PRKN: variants seen among roughly 807,000 people sequenced by gnomAD.
PRKN encodes the protein parkin RBR E3 ubiquitin protein ligase, also known as E3 ubiquitin-protein ligase parkin.
A neutral mutation model predicts 59.5 loss-of-function variants in PRKN; 56 were observed. The observed-to-expected ratio is 0.94, with a 90% CI of 0.76 to 1.18. PRKN has a LOEUF of 1.18. Among genes scored for constraint, PRKN ranks in the 50% most tolerant of loss-of-function variants. PRKN has a pLI of 0.00. For synonymous variants in PRKN, 250 were observed against 222.1 expected (o/e 1.13, Z -1.12); for missense variants, 657 against 596.4 (o/e 1.10, Z -1.06).
rs1162853442 is a variant in PRKN at position 162,225,947 on chromosome 6, AT to A, written c.413-24696del. Among the ~76,000 whole-genome samples the A allele has an allele frequency of 6.8e-4, 100 of 147,054 alleles. No homozygotes were observed. The Middle Eastern group carries it at 0.011, about 16-fold the overall frequency. On this transcript the variant is annotated intron_variant, in intron 3 of 11. Transcript: ENST00000366898. Reference sequence around the variant, plus strand: ...TATACTTCTATTATTTTATTATTTTATTTCCTAAACATATATGTTTAGGAAA... The same window carrying A: ...TATACTTCTATTATTTTATTATTTTATTCCTAAACATATATGTTTAGGAAA...
At chr6:162,123,411 CTT>C (rs375392889) in intron 4 of PRKN, among the ~76,000 whole-genome samples, 1 of 152,258 alleles carries the variant, frequency 6.6e-6, no homozygotes, top group African/African-American at 2.4e-5. Context: ...CAAATATAAA[CTT>C]ATCAGTTATA....
chr6:162,521,794 T>C (rs1209035850), intron 1 of PRKN, among the ~76,000 whole-genome samples: 1 of 152,154 alleles, frequency 6.6e-6, no homozygotes, highest in Non-Finnish European at 1.5e-5. Flanking sequence ...TATTATATGG[T>C]TCAAATTGTT....
At chr6:161,981,700 A>C (rs926635199) in intron 5 of PRKN, among the ~76,000 whole-genome samples, 3 of 152,176 alleles carry the variant, frequency 2.0e-5, no homozygotes, top group African/African-American at 7.2e-5. Flanking sequence ...GTATTACATA[A>C]ACCCAGTAAC....
chr6:161,686,339 G>A (rs1785552597), intron 7 of PRKN, among the ~76,000 whole-genome samples: 1 of 152,146 alleles, frequency 6.6e-6, no homozygotes, highest in Non-Finnish European at 1.5e-5. Context: ...TGGGTGGCAT[G>A]ATACAGAACA....
At chr6:162,549,707 C>T (rs949268927) in intron 1 of PRKN, among the ~76,000 whole-genome samples, 2 of 148,778 alleles carry the variant, frequency 1.3e-5, no homozygotes, top group East Asian at 2.0e-4. Flanking sequence ...GGTGCAATCT[C>T]GACTCACTGC....
rs565732928 is a variant in PRKN, at chr6:161,480,368, C to T, written c.1083+68486G>A. On this transcript the variant is annotated intron_variant, in intron 9 of 11. Transcript: ENST00000366898. This position sits in a 1 kb window ranked among gnomAD's most constrained non-coding sequence, Gnocchi z 4.1. ...GGGCCCTGTGTGACTGTACAGGTCG[C>T]ACACTCCAAGCTGGCCCTATTTTCC... 3.9e-5 allele frequency among the ~76,000 whole-genome samples: 6 copies of T among 152,246 alleles called. No homozygotes were observed. In the South Asian group the frequency reaches 1.2e-3, roughly 32 times the overall value.
intron 1 of PRKN, among the ~76,000 whole-genome samples, chr6:162,620,532 A>C (rs1268303731): frequency 1.3e-5 from 2 of 152,200 alleles, no homozygotes; most frequent in Non-Finnish European, 2.9e-5. Context: ...ATCCAACACT[A>C]ATGTGCTGCT....
chr6:161,841,231 G>C (rs6919629), intron 6 of PRKN, among the ~76,000 whole-genome samples: 8,251 of 152,260 alleles, frequency 0.054, 693 homozygotes, highest in African/African-American at 0.18. Context: ...ACAGCAAGAG[G>C]GTGAGGAGGT....
chr6:161,565,489 C>T (rs1302255614), intron 8 of PRKN, among the ~76,000 whole-genome samples: 1 of 152,074 alleles, frequency 6.6e-6, no homozygotes, highest in Non-Finnish European at 1.5e-5. Context: ...GATGATTCCC[C>T]CCATGGTGTT....
intron 1 of PRKN, among the ~76,000 whole-genome samples, chr6:162,642,887 A>G (rs1778016597): frequency 6.6e-6 from 1 of 152,120 alleles, no homozygotes; most frequent in Non-Finnish European, 1.5e-5. Flanking sequence ...CTTATATTGA[A>G]CATAATTTAA....
Position 161,734,427 on chromosome 6 carries a change from T to C in PRKN, c.871+51345A>G, listed in dbSNP as rs1032864531. 1.5e-4 allele frequency among the ~76,000 whole-genome samples: 23 copies of C among 152,194 alleles called. 1 individual carries two copies. The highest frequency in any genetic ancestry group is 5.3e-4 in the African/African-American group (22 of 41,450). ...AGAATTTCTGTTTTCATACTGAGAT[T>C]AGTATTGTGTGGAGCCACCTGTACA... On this transcript the variant is annotated intron_variant, in intron 7 of 11. Transcript: ENST00000366898.
rs1377928174 is a variant in PRKN at position 161,410,159 on chromosome 6, A to C, written c.1084-23282T>G. On this transcript the variant is annotated intron_variant, in intron 9 of 11. Coordinates refer to ENST00000366898, the MANE Select transcript of PRKN (RefSeq NM_004562.3). The surrounding 1 kb of genome is among the most constrained non-coding windows in gnomAD (Gnocchi z 5.3). ...GAAGAAGGGGATGGGGAAGGATTGC[A>C]TAAGTTGTGGCAGGGGGCCTGGGGC... Among the ~76,000 whole-genome samples the C allele has an allele frequency of 1.3e-5, 2 of 152,068 alleles. No individual in the cohort carries two copies. Among genetic ancestry groups the C allele is most frequent in the Non-Finnish European group, 2.9e-5 (2 of 68,012 alleles).
At chr6:161,875,947 G>A (rs886610643) in intron 6 of PRKN, among the ~76,000 whole-genome samples, 2 of 152,052 alleles carry the variant, frequency 1.3e-5, no homozygotes, top group South Asian at 2.1e-4. Flanking sequence ...ACTCAACACT[G>A]TAGGACCTGA....
At chr6:162,514,764 A>G (rs943359931) in intron 1 of PRKN, among the ~76,000 whole-genome samples, 24 of 152,286 alleles carry the variant, frequency 1.6e-4, no homozygotes, top group Non-Finnish European at 3.1e-4. Context: ...ACCCATCTCT[A>G]TAAAAGAAAA....
intron 2 of PRKN, among the ~76,000 whole-genome samples, chr6:162,365,544 A>G (rs192196129): frequency 9.2e-5 from 14 of 151,996 alleles, no homozygotes; most frequent in Admixed American, 2.6e-4. Context: ...AACTTCTTAT[A>G]CCAAATCTTT....
intron 9 of PRKN, among the ~76,000 whole-genome samples, chr6:161,507,417 T>C (rs1216047742): frequency 6.6e-6 from 1 of 152,224 alleles, no homozygotes; most frequent in Non-Finnish European, 1.5e-5. Context: ...GGGCAGATTA[T>C]TAAATCACAT....
chr6:162,241,870 T>G (rs531613583), intron 3 of PRKN, among the ~76,000 whole-genome samples: 21 of 152,192 alleles, frequency 1.4e-4, no homozygotes, highest in African/African-American at 4.8e-4. Flanking sequence ...GAAGTCACTT[T>G]AGTTCTAGTA....
intron 1 of PRKN, among the ~76,000 whole-genome samples, chr6:162,630,467 C>T (rs1419600483): frequency 3.9e-5 from 6 of 152,068 alleles, no homozygotes; most frequent in South Asian, 2.1e-4. Context: ...TAACATCAAT[C>T]GTTGACAACG....
chr6:162,123,489 A>G (rs566909923), intron 4 of PRKN, among the ~76,000 whole-genome samples: 1 of 152,326 alleles, frequency 6.6e-6, no homozygotes, highest in East Asian at 1.9e-4. Context: ...TACCGCCACT[A>G]GTTACTTATA....
Sources: gnomAD v4.1 joint callset for allele counts (sites outside exome capture counted in the v4.1 genomes callset) on GRCh38, gnomAD v4.1.1 for gene constraint, Gnocchi (gnomAD v3.1) non-coding constraint, MANE v1.5 for transcripts, NCBI Gene and HGNC (gene_info 2026-07-23, HGNC 2026-07-21) for gene names.